Variants in EPHA6 observed in about 807,000 individuals in gnomAD.
The protein encoded by EPHA6 is ephrin type-A receptor 6.
In EPHA6, 50 loss-of-function variants were observed where a neutral mutation model predicts 112.0. That is an observed-to-expected ratio of 0.45 (90% CI 0.36 to 0.56). The LOEUF (loss-of-function observed/expected upper bound fraction) is 0.56, where lower values mean the gene tolerates loss of function less well. EPHA6 is among the 20% of genes least tolerant of loss of function. The pLI, the probability that EPHA6 is intolerant of heterozygous loss-of-function variation, is 0.00. For missense variants in EPHA6, 1,280 were observed against 1,417.4 expected, an observed-to-expected ratio of 0.90 and a Z score of 1.56; for synonymous variants, 529 against 490.7, an observed-to-expected ratio of 1.08 and a Z score of -1.03.
In EPHA6 at chr3:97,754,184, G is replaced by A. The variant is rs914173581; in HGVS notation, c.*5483G>A. Among the ~76,000 whole-genome samples the A allele has an allele frequency of 1.3e-5, 2 of 150,052 alleles. No individual in the cohort carries two copies. The highest frequency in any genetic ancestry group is 3.0e-5 in the Non-Finnish European group (2 of 67,764). On this transcript the variant is annotated 3_prime_UTR_variant, in exon 18 of 18. Coordinates refer to ENST00000389672, the MANE Select transcript of EPHA6 (RefSeq NM_001080448.3). ...GCTCACCACAACCTCCGCCTCCCAG[G>A]TTCAAGCAATTCTCCTGCCTCAGCC...
chr3:97,282,503 T>A (rs970087161), intron 5 of EPHA6, among the ~76,000 whole-genome samples: 1 of 152,070 alleles, frequency 6.6e-6, no homozygotes, highest in Non-Finnish European at 1.5e-5. Context: ...TCCAAAGAAA[T>A]ATAAATCATT....
Position 97,749,038 on chromosome 3 carries a change from C to A in EPHA6, c.*337C>A. ...AAAAAATTTATCCAGGTGGGGCTTC[C>A]TTAGTGATGTATGTAGAGTGTGATG... On this transcript the variant is annotated 3_prime_UTR_variant, in exon 18 of 18. Transcript: ENST00000389672. 3.1e-6 allele frequency: 1 copy of A among 318,940 alleles called. No homozygotes were observed. The highest frequency in any genetic ancestry group is 6.0e-6 in the Non-Finnish European group (1 of 166,966). 19.8% of individuals were successfully genotyped at this position (318,940 alleles called of 1,614,324 possible).
At chr3:97,376,140 A>G (rs2085335827) in intron 5 of EPHA6, among the ~76,000 whole-genome samples, 1 of 152,190 alleles carries the variant, frequency 6.6e-6, no homozygotes, top group Admixed American at 6.6e-5. Context: ...ACAAATAAAA[A>G]TAATATATAC....
intron 3 of EPHA6, among the ~76,000 whole-genome samples, chr3:97,105,366 G>T (rs1020420588): frequency 6.6e-6 from 1 of 152,028 alleles, no homozygotes; most frequent in Non-Finnish European, 1.5e-5. Flanking sequence ...GTTCTCATTA[G>T]TCTCAAAGAG....
chr3:96,967,256 T>C (rs1035233332), intron 2 of EPHA6, among the ~76,000 whole-genome samples: 3 of 149,882 alleles, frequency 2.0e-5, no homozygotes, highest in African/African-American at 7.3e-5. Flanking sequence ...TAATTTTAGA[T>C]GATATATATT....
intron 6 of EPHA6, among the ~76,000 whole-genome samples, chr3:97,447,431 T>C (rs1361483388): frequency 6.6e-6 from 1 of 152,176 alleles, no homozygotes; most frequent in African/African-American, 2.4e-5. Context: ...TTTGCATCTC[T>C]GAAAATCTCT....
chr3:97,018,736 G>T (rs1003859964), intron 3 of EPHA6, among the ~76,000 whole-genome samples: 3 of 152,208 alleles, frequency 2.0e-5, no homozygotes, highest in African/African-American at 7.2e-5. Context: ...CCGGATAACC[G>T]CAAGCGAGCT....
intron 1 of EPHA6, among the ~76,000 whole-genome samples, chr3:96,830,067 G>A (rs754971680): frequency 3.3e-5 from 5 of 150,842 alleles, no homozygotes; most frequent in African/African-American, 9.7e-5. Flanking sequence ...CCTAAGTATC[G>A]CATTTTAGTG....
rs1473943990 is a variant in EPHA6, at chr3:97,761,044, ATTC to A, written c.*12345_*12347del. On this transcript the variant is annotated 3_prime_UTR_variant, in exon 18 of 18. Coordinates refer to ENST00000389672, the MANE Select transcript of EPHA6 (RefSeq NM_001080448.3). ...CACTCAGGTTCCTGACACAGCCTAC[ATTC>A]TCTTTTCTGGTTATAATCACAATAT... The A allele has an allele frequency of 4.8e-6, 1 of 208,876 alleles. No individual in the cohort carries two copies. The highest frequency in any genetic ancestry group is 9.7e-6 in the Non-Finnish European group (1 of 102,694). 12.9% of individuals were successfully genotyped at this position (208,876 alleles called of 1,614,324 possible).
intron 11 of EPHA6, among the ~76,000 whole-genome samples, chr3:97,540,825 T>C (rs993246872): frequency 2.0e-5 from 3 of 152,194 alleles, no homozygotes; most frequent in African/African-American, 7.2e-5. Context: ...TGAAATCTTA[T>C]TGACTTTCAA....
chr3:97,491,584 T>C (rs2091839446), intron 10 of EPHA6, among the ~76,000 whole-genome samples: 1 of 150,882 alleles, frequency 6.6e-6, no homozygotes, highest in African/African-American at 2.4e-5. Context: ...GTTTCTTTCA[T>C]AAAGGGAGTG....
At chr3:97,328,054 C>CATATATATATATATATATATATATAT (rs71286029) in intron 5 of EPHA6, among the ~76,000 whole-genome samples, 1 of 120,918 alleles carries the variant, frequency 8.3e-6, no homozygotes, top group African/African-American at 3.9e-5. Flanking sequence ...CATATATACA[C>CATATATATATATATATATATATATAT]ATATATATAT....
intron 3 of EPHA6, among the ~76,000 whole-genome samples, chr3:97,221,259 G>A (rs35586970): frequency 1.6e-5 from 2 of 126,664 alleles, no homozygotes; most frequent in Non-Finnish European, 3.1e-5. Flanking sequence ...GTGGTGAGCC[G>A]AGATCCTGCC....
intron 5 of EPHA6, among the ~76,000 whole-genome samples, chr3:97,379,655 A>G (rs148966513): frequency 6.1e-5 from 9 of 148,262 alleles, no homozygotes; most frequent in African/African-American, 2.2e-4. Context: ...AGGCTGAGAC[A>G]GGAGAATTGT....
intron 2 of EPHA6, among the ~76,000 whole-genome samples, chr3:96,888,532 G>A (rs996323754): frequency 5.3e-5 from 8 of 152,144 alleles, no homozygotes; most frequent in Non-Finnish European, 7.3e-5. Context: ...TCAACACCAC[G>A]TGGAAGCTGC....
chr3:97,010,897 C>T (rs887674200), intron 3 of EPHA6, among the ~76,000 whole-genome samples: 9 of 152,002 alleles, frequency 5.9e-5, no homozygotes, highest in African/African-American at 1.7e-4. Context: ...TATTTGTCTT[C>T]GGAAAGAATT....
At chr3:97,556,117 C>T (rs190616931) in intron 11 of EPHA6, among the ~76,000 whole-genome samples, 1 of 152,112 alleles carries the variant, frequency 6.6e-6, no homozygotes, top group East Asian at 1.9e-4. Flanking sequence ...ATTATCCAAC[C>T]TTAAACCTAC....
chr3:97,199,681 C>A (rs777850793), intron 3 of EPHA6, among the ~76,000 whole-genome samples: 3 of 152,098 alleles, frequency 2.0e-5, no homozygotes, highest in Non-Finnish European at 4.4e-5. Flanking sequence ...TTATTGTAAC[C>A]AAGCTCTCAA....
intron 3 of EPHA6, among the ~76,000 whole-genome samples, chr3:96,992,573 A>G (rs1323162170): frequency 6.6e-6 from 1 of 152,046 alleles, no homozygotes; most frequent in African/African-American, 2.4e-5. Flanking sequence ...AATCCTGGTA[A>G]CAATTTTAGT....
Sources: allele counts gnomAD v4.1 joint callset (sites outside exome capture counted in the v4.1 genomes callset), GRCh38; gene constraint gnomAD v4.1.1; transcripts MANE v1.5; gene names NCBI Gene and HGNC (gene_info 2026-07-23, HGNC 2026-07-21).